Variants in RASGRF2 observed in about 807,000 individuals in gnomAD.
RASGRF2 encodes Ras protein specific guanine nucleotide releasing factor 2, also known as ras-specific guanine nucleotide-releasing factor 2.
Under a neutral mutation model 151.0 loss-of-function variants are expected in RASGRF2, and 76 were observed. The observed-to-expected ratio is 0.50, with a 90% CI of 0.42 to 0.61. The LOEUF (loss-of-function observed/expected upper bound fraction) is 0.61. Among genes scored for constraint, RASGRF2 ranks in the 20% least tolerant of loss-of-function variants. The pLI, the probability that RASGRF2 is intolerant of heterozygous loss-of-function variation, is 0.00. For synonymous variants in RASGRF2, 504 were observed against 566.5 expected (o/e 0.89, Z 1.57); for missense variants, 1,148 against 1,564.6 (o/e 0.73, Z 4.49).
At chr5:81,212,259 C>A in intron 22 of RASGRF2, 107 bp from the exon 23 acceptor site, 2 of 725,758 alleles carry the variant, frequency 2.8e-6, no homozygotes, top group Non-Finnish European at 4.6e-6. Context: ...CTTCAAGCTA[C>A]TCAACACCCT....
At chr5:81,039,006 T>C (rs1017713563) in intron 1 of RASGRF2, among the ~76,000 whole-genome samples, 1 of 152,226 alleles carries the variant, frequency 6.6e-6, no homozygotes, top group Admixed American at 6.5e-5. Context: ...CAATCAACAT[T>C]TTCAATCTTT....
At chr5:80,997,482 T>G (rs1268659997) in intron 1 of RASGRF2, 1 of 152,506 alleles carries the variant, frequency 6.6e-6, no homozygotes, top group Non-Finnish European at 1.5e-5. Flanking sequence ...GTGATCTTAA[T>G]GAAGCCCAAA....
In RASGRF2 at chr5:81,123,752, T is replaced by C. The variant is rs144217197; in HGVS notation, c.2581T>C (p.Tyr861His). ...RSPSTPRHLRYRQPGGQTADN... is the reference protein window; with the variant it reads ...RSPSTPRHLRHRQPGGQTADN... ...CCCCTCAACTCCTCGGCACCTCCGC[T>C]ATCGACAGCCTGGAGGTAAGAGCTC... Residue 861 changes from tyrosine (Y) to histidine (H), a missense_variant, in exon 16 of 27, where the codon TAT (tyrosine) becomes CAT (histidine). Physicochemically the swap from Tyr to His is moderately conservative, Grantham distance 83. Around this residue, in one of 5 missense-constraint regions of RASGRF2, gnomAD observed 646 missense variants for 807.4 expected, o/e 0.80. Coordinates refer to ENST00000265080, the MANE Select transcript of RASGRF2 (RefSeq NM_006909.3). 446 of 1,613,726 alleles carry C rather than the reference T, an allele frequency of 2.8e-4. 3 individuals are homozygous for C. Among genetic ancestry groups the C allele is most frequent in the Middle Eastern group, 1.7e-4 (1 of 6,014 alleles).
intron 12 of RASGRF2, among the ~76,000 whole-genome samples, chr5:81,104,260 T>C (rs1399993974): frequency 6.6e-6 from 1 of 152,092 alleles, no homozygotes; most frequent in Non-Finnish European, 1.5e-5. Flanking sequence ...TTCTTTTATG[T>C]ATATTTGAAT....
intron 17 of RASGRF2, among the ~76,000 whole-genome samples, chr5:81,128,532 T>C (rs1753531407): frequency 6.6e-6 from 1 of 152,220 alleles, no homozygotes; most frequent in Non-Finnish European, 1.5e-5. Flanking sequence ...TTGACAGAGT[T>C]CTTCACCCTT....
intron 17 of RASGRF2, among the ~76,000 whole-genome samples, chr5:81,170,197 A>T (rs1307427229): frequency 2.0e-5 from 3 of 152,116 alleles, no homozygotes; most frequent in Non-Finnish European, 2.9e-5. Flanking sequence ...CACTGTTATC[A>T]CCTGCACCAC....
chr5:80,982,383 A>G (rs1188678855), intron 1 of RASGRF2, among the ~76,000 whole-genome samples: 1 of 152,096 alleles, frequency 6.6e-6, no homozygotes, highest in African/African-American at 2.4e-5. Context: ...CTTTGTGGTC[A>G]GGGAGGGTTA....
intron 10 of RASGRF2, 121 bp downstream of exon 10, chr5:81,093,082 A>C: frequency 9.5e-7 from 1 of 1,050,618 alleles, no homozygotes; most frequent in Non-Finnish European, 1.4e-6. Flanking sequence ...TGATTGCATA[A>C]TGAGTGAGGT....
chr5:81,036,267 A>G (rs970725974), intron 1 of RASGRF2, among the ~76,000 whole-genome samples: 4 of 152,040 alleles, frequency 2.6e-5, no homozygotes, highest in African/African-American at 9.7e-5. Flanking sequence ...CGTTATAGTC[A>G]TTGCAGATTT....
intron 1 of RASGRF2, among the ~76,000 whole-genome samples, chr5:80,980,352 A>T (rs919236411): frequency 6.6e-6 from 1 of 152,130 alleles, no homozygotes; most frequent in African/African-American, 2.4e-5. Context: ...CTCTTGAAAG[A>T]ATACTGGCTG....
chr5:81,099,907 C>CTTTTTTTTTTTTTT (rs577876645), intron 12 of RASGRF2, among the ~76,000 whole-genome samples: 2 of 125,038 alleles, frequency 1.6e-5, no homozygotes, highest in East Asian at 2.3e-4. Context: ...TTTCTTTTTT[C>CTTTTTTTTTTTTTT]TTTTTTTTTT....
At chr5:80,985,543 C>T (rs942086191) in intron 1 of RASGRF2, among the ~76,000 whole-genome samples, 4 of 152,224 alleles carry the variant, frequency 2.6e-5, no homozygotes, top group Admixed American at 6.5e-5. Context: ...AGATTAGTCA[C>T]GTGTTGCAAA....
chr5:81,123,730 C>T lies in RASGRF2; in HGVS notation c.2559C>T (p.Pro853=). ...DTTELSPCRS[P]STPRHLRYRQ... is the part of the protein sequence containing the mutation. Reference sequence around the variant, plus strand: ...CAGAACTTTCACCTTGCAGATCCCCCTCAACTCCTCGGCACCTCCGCTATC... The same window carrying T: ...CAGAACTTTCACCTTGCAGATCCCCTTCAACTCCTCGGCACCTCCGCTATC... The change falls in exon 16 of 27, where the codon CCC becomes CCT. Residue 853 remains proline (P), a synonymous_variant. Coordinates refer to ENST00000265080, the MANE Select transcript of RASGRF2 (RefSeq NM_006909.3). 1.2e-6 allele frequency: 2 copies of T among 1,613,960 alleles called. No homozygotes were observed. The highest frequency in any genetic ancestry group is 1.1e-5 in the South Asian group (1 of 91,058).
chr5:81,148,067 T>A (rs1241783214), intron 17 of RASGRF2, among the ~76,000 whole-genome samples: 1 of 152,206 alleles, frequency 6.6e-6, no homozygotes, highest in African/African-American at 2.4e-5. Context: ...TTGTCTTTTT[T>A]CTGTACTAGC....
At chr5:81,102,626 T>A (rs946127414) in intron 12 of RASGRF2, among the ~76,000 whole-genome samples, 45 of 149,036 alleles carry the variant, frequency 3.0e-4, no homozygotes, top group African/African-American at 1.1e-3. Flanking sequence ...GCCCAGGATG[T>A]GGAGGTTGCA....
At chr5:81,215,251 A>G (rs1213928546) in intron 23 of RASGRF2, among the ~76,000 whole-genome samples, 1 of 149,774 alleles carries the variant, frequency 6.7e-6, no homozygotes, top group South Asian at 2.1e-4. Context: ...TGACAAGCAC[A>G]TGCTGAATAT....
chr5:81,052,803 C>T (rs1751055621), intron 2 of RASGRF2, among the ~76,000 whole-genome samples: 1 of 152,086 alleles, frequency 6.6e-6, no homozygotes, highest in African/African-American at 2.4e-5. Context: ...TATTGTCATC[C>T]ATGCTTGGAT....
At chr5:81,154,182 G>T (rs1189928409) in intron 17 of RASGRF2, among the ~76,000 whole-genome samples, 2 of 152,086 alleles carry the variant, frequency 1.3e-5, no homozygotes, top group African/African-American at 4.8e-5. Context: ...GGATATAAAA[G>T]AGCTTGAACA....
chr5:81,216,066 A>C, intron 24 of RASGRF2, 111 bp downstream of exon 24: 1 of 1,085,106 alleles, frequency 9.2e-7, no homozygotes, highest in East Asian at 3.3e-5. Flanking sequence ...AAGAAAAATA[A>C]ATGGGAAACA....
Sources: gnomAD v4.1 joint callset for allele counts (sites outside exome capture counted in the v4.1 genomes callset) on GRCh38, gnomAD v4.1.1 for gene constraint, gnomAD v4.1.1 regional missense constraint, MANE v1.5 for transcripts, NCBI Gene and HGNC (gene_info 2026-07-23, HGNC 2026-07-21) for gene names.